Variants in PCMTD1 observed in about 807,000 individuals in gnomAD.
PCMTD1 encodes the protein protein-L-isoaspartate O-methyltransferase domain-containing protein 1.
In PCMTD1, 12 loss-of-function variants were observed where a neutral mutation model predicts 37.6. That is an observed-to-expected ratio of 0.32 (90% confidence interval 0.20 to 0.52). The LOEUF (loss-of-function observed/expected upper bound fraction) is 0.52. PCMTD1 is among the 20% of genes least tolerant of loss of function. The pLI is 0.97. For missense variants in PCMTD1, 235 were observed against 421.3 expected, an observed-to-expected ratio of 0.56 and a Z score of 3.87; for synonymous variants, 117 against 135.8, an observed-to-expected ratio of 0.86 and a Z score of 0.96.
chr8:51,861,736 T>C (rs2038473497), intron 1 of PCMTD1, among the ~76,000 whole-genome samples: 1 of 151,966 alleles, frequency 6.6e-6, no homozygotes. Flanking sequence ...ATTTTTTTTT[T>C]TTTAAGATAA....
chr8:51,894,913 T>C (rs542627838), intron 1 of PCMTD1, among the ~76,000 whole-genome samples: 22 of 152,248 alleles, frequency 1.4e-4, no homozygotes, highest in African/African-American at 5.3e-4. Flanking sequence ...AGAATCAGGC[T>C]TGCAAAAAAA....
intron 1 of PCMTD1, among the ~76,000 whole-genome samples, chr8:51,880,467 C>A (rs1315632100): frequency 6.6e-6 from 1 of 152,164 alleles, no homozygotes; most frequent in Non-Finnish European, 1.5e-5. Flanking sequence ...CACTTCCTAT[C>A]CTTAGGAAAT....
chr8:51,827,627 C>T (rs1277087805), intron 5 of PCMTD1, among the ~76,000 whole-genome samples: 1 of 151,986 alleles, frequency 6.6e-6, no homozygotes, highest in Non-Finnish European at 1.5e-5. Context: ...TGGAACATAC[C>T]CCCAAGAAAA....
chr8:51,834,722 T>C (rs1203139175), intron 3 of PCMTD1, among the ~76,000 whole-genome samples: 1 of 152,222 alleles, frequency 6.6e-6, no homozygotes, highest in Non-Finnish European at 1.5e-5. Context: ...TAGTAATTAA[T>C]AGACTTATTA....
At chr8:51,886,961 C>CT (rs11444689) in intron 1 of PCMTD1, among the ~76,000 whole-genome samples, 100,910 of 147,606 alleles carry the variant, frequency 0.68, 40,553 homozygotes, top group Non-Finnish European at 0.9. Context: ...TGTCCATCTG[C>CT]TTTTTTTTTT....
intron 1 of PCMTD1, among the ~76,000 whole-genome samples, chr8:51,867,313 T>C (rs1474586588): frequency 6.6e-6 from 1 of 152,060 alleles, no homozygotes; most frequent in Non-Finnish European, 1.5e-5. Context: ...CATTATCTTA[T>C]GATCCAGTCA....
rs1052051825 is a variant in PCMTD1, at chr8:51,854,615, A to G, written c.307+6230T>C. Among the ~76,000 whole-genome samples the G allele has an allele frequency of 2.6e-5, 4 of 152,340 alleles. No homozygotes were observed. In the South Asian group the frequency reaches 8.3e-4, roughly 32 times the overall value. On this transcript the variant is annotated intron_variant, in intron 2 of 5. Coordinates refer to ENST00000522514, the MANE Select transcript of PCMTD1 (RefSeq NM_052937.4). ...ATGGATGGGCCAGGCGCAGTGGTTT[A>G]TGCCTGTAATCCCAGCACTTTGGGA...
chr8:51,878,627 T>C (rs944272983), intron 1 of PCMTD1, among the ~76,000 whole-genome samples: 1 of 152,068 alleles, frequency 6.6e-6, no homozygotes, highest in Non-Finnish European at 1.5e-5. Flanking sequence ...CTCGTGACTA[T>C]AGTCCCAGCT....
chr8:51,851,964 A>C (rs980150343), intron 2 of PCMTD1, among the ~76,000 whole-genome samples: 4 of 152,104 alleles, frequency 2.6e-5, no homozygotes, highest in African/African-American at 9.7e-5. Flanking sequence ...ATTTTTCTTA[A>C]TGCAATCATT....
chr8:51,842,186 T>C (rs2038156251), intron 3 of PCMTD1, among the ~76,000 whole-genome samples: 1 of 152,130 alleles, frequency 6.6e-6, no homozygotes, highest in Non-Finnish European at 1.5e-5. Flanking sequence ...GTACAGTAAA[T>C]CTAGTGCTAT....
chr8:51,868,469 G>A (rs1311236986), intron 1 of PCMTD1, among the ~76,000 whole-genome samples: 1 of 152,056 alleles, frequency 6.6e-6, no homozygotes, highest in African/African-American at 2.4e-5. Flanking sequence ...GTGAAGCCAG[G>A]GACTGCTATG....
chr8:51,855,100 G>A (rs2038364091), intron 2 of PCMTD1, among the ~76,000 whole-genome samples: 1 of 150,130 alleles, frequency 6.7e-6, no homozygotes, highest in Non-Finnish European at 1.5e-5. Flanking sequence ...CTTGAACGTG[G>A]AAGGCGGAGG....
chr8:51,827,452 T>G, intron 5 of PCMTD1: 1 of 399,532 alleles, frequency 2.5e-6, no homozygotes, highest in Non-Finnish European at 4.9e-6. Flanking sequence ...AATTGCATGC[T>G]ATCCTGCCTG....
chr8:51,877,485 T>TTG (rs1585845928), intron 1 of PCMTD1, among the ~76,000 whole-genome samples: 3 of 152,232 alleles, frequency 2.0e-5, no homozygotes, highest in African/African-American at 7.2e-5. Context: ...TTAGGCTAAA[T>TTG]TGTGGGAGCT....
intron 1 of PCMTD1, among the ~76,000 whole-genome samples, chr8:51,865,004 C>T (rs1343645353): frequency 6.6e-6 from 1 of 151,950 alleles, no homozygotes; most frequent in Non-Finnish European, 1.5e-5. Flanking sequence ...AGAGGAGATA[C>T]CACAACTCAG....
At chr8:51,850,301 C>T (rs2038286450) in intron 2 of PCMTD1, among the ~76,000 whole-genome samples, 2 of 152,128 alleles carry the variant, frequency 1.3e-5, no homozygotes, top group South Asian at 4.1e-4. Flanking sequence ...TGTGCTCTCC[C>T]CCCATATACA....
chr8:51,899,070 G>C, upstream of PCMTD1: 11 of 1,500,560 alleles, frequency 7.3e-6, no homozygotes, highest in Non-Finnish European at 9.7e-6. Context: ...GACTGGAGCA[G>C]CCAGAGCCTC....
At chr8:51,844,658 A>C (rs552729674) in intron 3 of PCMTD1, among the ~76,000 whole-genome samples, 1 of 152,302 alleles carries the variant, frequency 6.6e-6, no homozygotes, top group African/African-American at 2.4e-5. Flanking sequence ...GGAAGGGCAA[A>C]GGCAGGAGGG....
At chr8:51,899,092 A>C (rs1267719339), upstream of PCMTD1, 2 of 1,479,630 alleles carry the variant, frequency 1.4e-6, no homozygotes, top group Non-Finnish European at 1.8e-6. Flanking sequence ...CGGACTCCGG[A>C]GCCGCCGGGG....
Sources: allele counts gnomAD v4.1 joint callset (sites outside exome capture counted in the v4.1 genomes callset), GRCh38; gene constraint gnomAD v4.1.1; transcripts MANE v1.5; gene names NCBI Gene and HGNC (gene_info 2026-07-23, HGNC 2026-07-21).